Variants in ZEB2 observed in about 807,000 individuals in gnomAD.
ZEB2 encodes the protein zinc finger E-box binding homeobox 2.
In ZEB2, 6 loss-of-function variants were observed where a neutral mutation model predicts 99.9. That is an observed-to-expected ratio of 0.06 (90% confidence interval 0.03 to 0.12). ZEB2 has a LOEUF of 0.12. ZEB2 is among the 10% of genes least tolerant of loss of function. ZEB2 has a pLI of 1.00. For missense variants in ZEB2, 969 were observed against 1,502.8 expected (o/e 0.64, Z 5.87); for synonymous variants, 517 against 542.5 (o/e 0.95, Z 0.65).
intron 4 of ZEB2, among the ~76,000 whole-genome samples, chr2:144,422,338 T>C (rs1044131707): frequency 1.3e-5 from 2 of 152,230 alleles, no homozygotes; most frequent in African/African-American, 2.4e-5. Flanking sequence ...CACTATCCTC[T>C]GAATAGATGT....
intron 4 of ZEB2, 74 bp downstream of exon 4, chr2:144,424,722 T>G (rs1183762290): frequency 6.5e-7 from 1 of 1,543,230 alleles, no homozygotes; most frequent in Non-Finnish European, 9.0e-7. Context: ...GATGTGTCAC[T>G]GTTTCCTTCC....
chr2:144,498,030 TAATATATATTAATATTATATATTATATAA>T (rs1704805032), intron 2 of ZEB2, among the ~76,000 whole-genome samples: 6 of 49,340 alleles, frequency 1.2e-4, no homozygotes, highest in Non-Finnish European at 1.9e-4. Flanking sequence ...ATATATTATA[TAATATATATTAATATTATATATTATATAA>T]TATATATTAA....
intron 2 of ZEB2, among the ~76,000 whole-genome samples, chr2:144,436,808 AC>A (rs948418100): frequency 2.4e-4 from 36 of 152,154 alleles, no homozygotes; most frequent in Admixed American, 1.4e-3. Flanking sequence ...AAAAGCAAGG[AC>A]CCTCCCTTTG....
chr2:144,406,905 G>T (rs1703395700), intron 4 of ZEB2, among the ~76,000 whole-genome samples: 1 of 152,176 alleles, frequency 6.6e-6, no homozygotes, highest in African/African-American at 2.4e-5. Context: ...TGATGATGGA[G>T]ATGAAGGAAG....
intron 8 of ZEB2, among the ~76,000 whole-genome samples, chr2:144,397,055 T>G (rs1198047351): frequency 6.6e-6 from 1 of 152,260 alleles, no homozygotes; most frequent in Non-Finnish European, 1.5e-5. Flanking sequence ...AATGTATGTC[T>G]ACCAACTAAA....
chr2:144,429,654 C>G (rs924121754), intron 3 of ZEB2, 115 bp downstream of exon 3: 1 of 1,533,816 alleles, frequency 6.5e-7, no homozygotes, highest in African/African-American at 1.4e-5. Flanking sequence ...TCTGCAAGGG[C>G]TCAATGGAAA....
intron 2 of ZEB2, among the ~76,000 whole-genome samples, chr2:144,507,900 A>C (rs2149928791): frequency 6.6e-6 from 1 of 152,266 alleles, no homozygotes; most frequent in Non-Finnish European, 1.5e-5. Context: ...TGATTTGCTA[A>C]ATTTTGGTCT....
intron 2 of ZEB2, chr2:144,462,829 A>T (rs1398620940): frequency 2.0e-5 from 3 of 152,192 alleles, no homozygotes; most frequent in Non-Finnish European, 4.4e-5. Flanking sequence ...TTTAAGGGAA[A>T]GTGGCCCTCA....
chr2:144,424,149 C>A (rs1023142726), intron 4 of ZEB2, among the ~76,000 whole-genome samples: 1 of 152,130 alleles, frequency 6.6e-6, no homozygotes, highest in Non-Finnish European at 1.5e-5. Context: ...CCTGAAACTC[C>A]ATTCTATTGC....
intron 4 of ZEB2, among the ~76,000 whole-genome samples, chr2:144,419,058 C>T (rs775504931): frequency 1.7e-4 from 26 of 152,240 alleles, no homozygotes; most frequent in Non-Finnish European, 3.1e-4. Context: ...AGGCCTTGTA[C>T]ATAAGGAATC....
rs1703095377 is a variant in ZEB2 at position 144,387,060 on chromosome 2, T to TATATAC, written c.*2390_*2391insGTATAT. On this transcript the variant is annotated 3_prime_UTR_variant, in exon 10 of 10. Transcript: ENST00000627532. ...GTGTGTGTGTGTATATATATATATA[T>TATATAC]ATACACACACACACATACACACTTT... is the stretch of plus-strand genomic sequence containing the variant. 1 of 148,656 alleles carries TATATAC rather than the reference T, an allele frequency of 6.7e-6. No homozygotes were observed. Among genetic ancestry groups the TATATAC allele is most frequent in the African/African-American group, 2.5e-5 (1 of 40,482 alleles). 9.2% of individuals were successfully genotyped at this position (148,656 alleles called of 1,614,324 possible). A position where few individuals can be genotyped will look rare whatever the true frequency, so the allele number is the denominator to read the frequency against.
intron 2 of ZEB2, among the ~76,000 whole-genome samples, chr2:144,433,801 C>T (rs900902064): frequency 5.3e-5 from 8 of 152,110 alleles, no homozygotes; most frequent in African/African-American, 1.9e-4. Context: ...CTCTTCCTTG[C>T]CTATACATAT....
chr2:144,449,624 C>T (rs953957911), intron 2 of ZEB2: 8 of 152,190 alleles, frequency 5.3e-5, no homozygotes, highest in African/African-American at 1.9e-4. Context: ...TGTATCTTCC[C>T]TTCTTGATTA....
intron 2 of ZEB2, among the ~76,000 whole-genome samples, chr2:144,452,329 G>C (rs1057237558): frequency 6.6e-6 from 1 of 152,064 alleles, no homozygotes; most frequent in Non-Finnish European, 1.5e-5. Flanking sequence ...TGAAGTAAGG[G>C]GGGAAGCTCT....
chr2:144,497,400 G>A (rs1704777641), intron 2 of ZEB2, among the ~76,000 whole-genome samples: 1 of 152,142 alleles, frequency 6.6e-6, no homozygotes, highest in Admixed American at 6.6e-5. Context: ...TAGTAGGTGT[G>A]TAATTAATGC....
At chr2:144,462,612 T>C (rs1037372488) in intron 2 of ZEB2, 1 of 152,140 alleles carries the variant, frequency 6.6e-6, no homozygotes, top group Admixed American at 6.6e-5. Flanking sequence ...AAATGAGCCA[T>C]CTAAACATTT....
intron 2 of ZEB2, among the ~76,000 whole-genome samples, chr2:144,470,808 C>T (rs1411933311): frequency 6.6e-6 from 1 of 152,110 alleles, no homozygotes; most frequent in Non-Finnish European, 1.5e-5. Context: ...CAGACTGGAA[C>T]AAGACCCCTA....
chr2:144,392,072 G>A (rs1224802373), intron 9 of ZEB2, among the ~76,000 whole-genome samples: 1 of 152,182 alleles, frequency 6.6e-6, no homozygotes, highest in Non-Finnish European at 1.5e-5. Flanking sequence ...CAAGTTCTAA[G>A]TAGGACGCAT....
intron 4 of ZEB2, among the ~76,000 whole-genome samples, chr2:144,406,633 A>T (rs1188130547): frequency 6.6e-6 from 1 of 152,306 alleles, no homozygotes; most frequent in South Asian, 2.1e-4. Flanking sequence ...ACGTGATGTA[A>T]GGGTGGAGAG....
Sources: allele counts gnomAD v4.1 joint callset (sites outside exome capture counted in the v4.1 genomes callset), GRCh38; gene constraint gnomAD v4.1.1; transcripts MANE v1.5; gene names NCBI Gene and HGNC (gene_info 2026-07-23, HGNC 2026-07-21).